The following SI variants were observed in gnomAD, a reference collection of about 807,000 sequenced individuals.
The protein encoded by SI is sucrase-isomaltase, intestinal.
SI carries 235 observed loss-of-function variants against 253.3 expected under a neutral mutation model. That is an observed-to-expected ratio of 0.93 (90% confidence interval 0.83 to 1.03). The LOEUF (loss-of-function observed/expected upper bound fraction) is 1.03. SI is among the 50% of genes least tolerant of loss of function. The pLI is 0.00. For missense variants in SI, 2,442 were observed against 2,211.1 expected (o/e 1.10, Z -2.09); for synonymous variants, 819 against 712.0 (o/e 1.15, Z -2.39).
At chr3:165,061,242 GACTTT>G (rs1560013386) in intron 9 of SI, among the ~76,000 whole-genome samples, 1 of 151,818 alleles carries the variant, frequency 6.6e-6, no homozygotes, top group African/African-American at 2.4e-5. Context: ...ACATTCTGCT[GACTTT>G]ACTTAACATG....
At chr3:165,013,622 T>G (rs1718876545) in intron 33 of SI, among the ~76,000 whole-genome samples, 1 of 152,114 alleles carries the variant, frequency 6.6e-6, no homozygotes, top group Non-Finnish European at 1.5e-5. Context: ...TGAAATTCAA[T>G]TTGCTGAAAG....
chr3:165,013,806 A>G (rs1396715665), intron 33 of SI, among the ~76,000 whole-genome samples: 3 of 152,180 alleles, frequency 2.0e-5, no homozygotes, highest in Admixed American at 6.5e-5. Flanking sequence ...CAGAATGAGG[A>G]GAAAGTAGGA....
rs1711756212 is a variant in SI, at chr3:165,023,765, T to C, written c.2904A>G (p.Leu968=). The change falls in exon 26 of 48, where the codon CTA becomes CTG. Residue 968 remains leucine, a synonymous_variant. Coordinates refer to ENST00000264382, the MANE Select transcript of SI (RefSeq NM_001041.4). ...RGCVWRTGSS[L]SKAPECYFPR... ...GAAAGTAACACTCAGGTGCTTTGGA[T>C]AGAGAAGAACCCTAAAAACACAATG... 3 of 1,609,464 alleles carry C rather than the reference T, an allele frequency of 1.9e-6. No homozygotes were observed. The highest frequency in any genetic ancestry group is 1.7e-6 in the Non-Finnish European group (2 of 1,176,882).
chr3:165,016,567 T>A (rs1214875674), intron 31 of SI, among the ~76,000 whole-genome samples: 1 of 151,978 alleles, frequency 6.6e-6, no homozygotes, highest in Non-Finnish European at 1.5e-5. Flanking sequence ...TACTATAATC[T>A]TGTTCTTGTA....
At chr3:165,051,558 A>G (rs893337882) in intron 13 of SI, among the ~76,000 whole-genome samples, 2 of 152,062 alleles carry the variant, frequency 1.3e-5, no homozygotes, top group African/African-American at 4.8e-5. Flanking sequence ...TTTCTTCATG[A>G]TTCCGCCAAT....
chr3:165,074,604 C>T lies in SI; in HGVS notation c.182G>A (p.Gly61Glu), dbSNP rs1231516344. Residue 61 changes from glycine to glutamate, a missense_variant, in exon 3 of 48, where the codon GGA becomes GAA. Gly to Glu is a moderately conservative substitution (Grantham distance 98). Coordinates refer to ENST00000264382, the MANE Select transcript of SI (RefSeq NM_001041.4). ...TRVTTNPSDS[G>E]KCPNVLNDPV... ...ATCATTTAACACATTTGGACATTTT[C>T]CTGAATCAGAAGGATTTGTAGTCAC... 1 of 1,610,516 alleles carries T rather than the reference C, an allele frequency of 6.2e-7. No homozygotes were observed. Among genetic ancestry groups the T allele is most frequent in the Non-Finnish European group, 8.5e-7 (1 of 1,177,606 alleles).
At chr3:165,077,232 C>T (rs1715054558) in intron 1 of SI, among the ~76,000 whole-genome samples, 1 of 151,458 alleles carries the variant, frequency 6.6e-6, no homozygotes, top group African/African-American at 2.4e-5. Flanking sequence ...TCAATCCCTC[C>T]CCATCCACTC....
At chr3:165,063,693 A>C in intron 7 of SI, 152 bp from the exon 8 acceptor site, 1 of 452,112 alleles carries the variant, frequency 2.2e-6, no homozygotes, top group East Asian at 3.7e-5. Context: ...TACCAGTGAA[A>C]TATTATAGGT....
chr3:165,060,537 C>G (rs1232683568), intron 9 of SI, among the ~76,000 whole-genome samples: 1 of 151,800 alleles, frequency 6.6e-6, no homozygotes, highest in Non-Finnish European at 1.5e-5. Context: ...AATGCTCCCA[C>G]CCAGTTATTG....
Position 165,047,004 on chromosome 3 carries a change from T to C in SI, c.1724A>G (p.Gln575Arg), listed in dbSNP as rs757888841. 6 of 1,601,778 alleles carry C rather than the reference T, an allele frequency of 3.7e-6. No individual in the cohort carries two copies. The highest frequency in any genetic ancestry group is 3.4e-5 in the South Asian group (3 of 89,220). Reference protein sequence around the residue: ...SMAIATEQAVQKVFPNKRSFI... With the variant: ...SMAIATEQAVRKVFPNKRSFI... ...GCTTCTCTTATTAGGAAAAACTTTTTGTACAGCTCTAAAAATAAAACCAAA... is the reference window on the plus strand; with the variant it reads ...GCTTCTCTTATTAGGAAAAACTTTTCGTACAGCTCTAAAAATAAAACCAAA... Residue 575 changes from glutamine to arginine, a missense_variant, in exon 16 of 48, where the codon CAA (glutamine) becomes CGA (arginine). Coordinates refer to ENST00000264382, the MANE Select transcript of SI (RefSeq NM_001041.4).
Position 164,979,235 on chromosome 3 carries a change from CT to C in SI, c.*126del, listed in dbSNP as rs1717061789. The C allele has an allele frequency of 4.2e-6, 3 of 713,452 alleles. No individual in the cohort carries two copies. The highest frequency in any genetic ancestry group is 7.7e-6 in the Non-Finnish European group (3 of 388,480). The allele number at this position is 713,452 out of a possible 1,614,324, so 44.2% of individuals were successfully genotyped here. A position where few individuals can be genotyped will look rare whatever the true frequency, so the allele number is the denominator to read the frequency against. ...ATCATTGATGTACGCTACAAAATAA[CT>C]TTTCGATGTTATGAAAGCTATATTT... On this transcript the variant is annotated 3_prime_UTR_variant, in exon 48 of 48. Coordinates refer to ENST00000264382, the MANE Select transcript of SI (RefSeq NM_001041.4).
At chr3:165,052,799 A>T (rs1713499687) in intron 13 of SI, among the ~76,000 whole-genome samples, 1 of 152,150 alleles carries the variant, frequency 6.6e-6, no homozygotes, top group South Asian at 2.1e-4. Flanking sequence ...CCCTATTTTT[A>T]AAAGAATTTG....
chr3:165,010,532 T>C (rs1257599642), intron 34 of SI, among the ~76,000 whole-genome samples: 1 of 152,190 alleles, frequency 6.6e-6, no homozygotes, highest in East Asian at 1.9e-4. Context: ...ATTTTACTCA[T>C]AAGGATAGAA....
Position 165,023,569 on chromosome 3 carries a change from C to G in SI, c.3099+1G>C. ...TTTGGGGTAGTTTATATCAAGCATA[C>G]CTTAAACTGCAACATATCATTTTTG... On this transcript the variant is annotated splice_donor_variant, in intron 26 of 47. Coordinates refer to ENST00000264382, the MANE Select transcript of SI (RefSeq NM_001041.4). LOFTEE classifies it high-confidence loss of function. The G allele has an allele frequency of 1.2e-6, 2 of 1,606,970 alleles. No individual in the cohort carries two copies. The highest frequency in any genetic ancestry group is 1.3e-5 in the African/African-American group (1 of 74,700).
intron 3 of SI, among the ~76,000 whole-genome samples, chr3:165,074,055 A>C (rs1472983264): frequency 6.6e-6 from 1 of 152,072 alleles, no homozygotes; most frequent in South Asian, 2.1e-4. Flanking sequence ...CCAATTGGTT[A>C]CACCTAATTT....
chr3:165,082,588 TTGTAGTATAGTGC>T (rs1715373104), upstream of SI, among the ~76,000 whole-genome samples: 1 of 152,014 alleles, frequency 6.6e-6, no homozygotes, highest in Non-Finnish European at 1.5e-5. Flanking sequence ...TGTTTCATGC[TTGTAGTATAGTGC>T]TGTCTTAGCT....
intron 13 of SI, among the ~76,000 whole-genome samples, chr3:165,052,207 C>T (rs1188221521): frequency 6.6e-6 from 1 of 151,992 alleles, no homozygotes; most frequent in African/African-American, 2.4e-5. Context: ...CATTTTAATT[C>T]TCTAATTTAT....
At chr3:165,065,913 A>T (rs1014783303) in intron 6 of SI, among the ~76,000 whole-genome samples, 8 of 151,878 alleles carry the variant, frequency 5.3e-5, no homozygotes, top group Non-Finnish European at 7.4e-5. Flanking sequence ...TGCAGATGAA[A>T]TATGTACTAC....
intron 13 of SI, among the ~76,000 whole-genome samples, chr3:165,051,948 C>G (rs1227412736): frequency 6.6e-6 from 1 of 151,784 alleles, no homozygotes; most frequent in Non-Finnish European, 1.5e-5. Context: ...TTTGCCAGCT[C>G]ACAATAAAAG....
Sources: gnomAD v4.1 joint callset for allele counts (sites outside exome capture counted in the v4.1 genomes callset) on GRCh38, gnomAD v4.1.1 for gene constraint, MANE v1.5 for transcripts, NCBI Gene and HGNC (gene_info 2026-07-23, HGNC 2026-07-21) for gene names.